The following BCAR3 variants were observed in gnomAD, a reference collection of about 807,000 sequenced individuals.
The protein encoded by BCAR3 is BCAR3 adaptor protein, NSP family member, also known as breast cancer anti-estrogen resistance protein 3.
In BCAR3, 37 loss-of-function variants were observed where a neutral mutation model predicts 80.1. That is an observed-to-expected ratio of 0.46 (90% CI 0.36 to 0.61). The LOEUF (loss-of-function observed/expected upper bound fraction) is 0.61, where lower values mean the gene tolerates loss of function less well. Ranked by LOEUF, BCAR3 falls within the 20% of genes least tolerant of loss-of-function variation. BCAR3 has a pLI of 0.00. For missense variants in BCAR3, 978 were observed against 1,068.2 expected (o/e 0.92, Z 1.18); for synonymous variants, 389 against 418.9 (o/e 0.93, Z 0.87).
chr1:93,755,329 C>T (rs904264443), intron 2 of BCAR3, among the ~76,000 whole-genome samples: 4 of 152,092 alleles, frequency 2.6e-5, no homozygotes, highest in South Asian at 2.1e-4. Context: ...CAGTAGTGCA[C>T]AGTAATGTCC....
chr1:93,656,570 T>C lies in BCAR3; in HGVS notation c.318-14227A>G, dbSNP rs138533505. On this transcript the variant is annotated intron_variant, in intron 2 of 11. Coordinates refer to ENST00000260502, the MANE Select transcript of BCAR3 (RefSeq NM_003567.4). ...TTAAAAAAAAATGTACCATACATCG[T>C]TATTTTATAGCCTGTATCTGATATT... 3.9e-5 allele frequency among the ~76,000 whole-genome samples: 6 copies of C among 152,190 alleles called. No homozygotes were observed. In the East Asian group the frequency reaches 1.2e-3, roughly 29 times the overall value.
At position 93,571,714 on chromosome 1, in the gene BCAR3, G is replaced by A. The variant is rs1459671189; in HGVS notation, c.1930C>T (p.Leu644Phe). 6.2e-7 allele frequency: 1 copy of A among 1,614,030 alleles called. No individual in the cohort carries two copies. The highest frequency in any genetic ancestry group is 1.3e-5 in the African/African-American group (1 of 74,898). ...AVELKDSMGD[L>F]YSFSALMKAL... ...TTCATGAGAGCTGAGAAGGAATAGA[G>A]GTCCCCCATGGAATCCTTCAGTTCC... The change falls in exon 9 of 12, where the codon CTC (leucine) becomes TTC (phenylalanine). Residue 644 changes from leucine (L) to phenylalanine (F), a missense_variant. By Grantham distance (22) the Leu-to-Phe change is conservative. Coordinates refer to ENST00000260502, the MANE Select transcript of BCAR3 (RefSeq NM_003567.4).
chr1:93,814,119 A>G (rs1199208241), intron 2 of BCAR3, among the ~76,000 whole-genome samples: 1 of 152,224 alleles, frequency 6.6e-6, no homozygotes, highest in Non-Finnish European at 1.5e-5. Context: ...ATATGCCCCA[A>G]TACTGGTATG....
At chr1:93,585,319 C>T (rs745602723) in intron 5 of BCAR3, among the ~76,000 whole-genome samples, 1 of 152,226 alleles carries the variant, frequency 6.6e-6, no homozygotes, top group Non-Finnish European at 1.5e-5. Flanking sequence ...CCATCTTTTC[C>T]CCTCCTCCCA....
At chr1:93,679,458 C>G (rs535825814) in intron 1 of BCAR3, among the ~76,000 whole-genome samples, 129 of 152,298 alleles carry the variant, frequency 8.5e-4, no homozygotes, top group South Asian at 3.9e-3. Flanking sequence ...CACAGACACA[C>G]GTACAGGCAA....
Position 93,582,853 on chromosome 1 carries a change from C to T in BCAR3, c.1134G>A (p.Val378=). Residue 378 remains valine, a synonymous_variant, in exon 7 of 12, where the codon GTG becomes GTA. Transcript: ENST00000260502. ...TGSEPALSPA[V]VRRVSSDARA... ...TGGCGTCTGAGGAGACCCTCCGAAC[C>T]ACTGCTGGGCTCAGGGCAGGCTCGC... The T allele has an allele frequency of 6.2e-7, 1 of 1,613,208 alleles. No individual in the cohort carries two copies. The highest frequency in any genetic ancestry group is 1.1e-5 in the South Asian group (1 of 91,074).
intron 2 of BCAR3, among the ~76,000 whole-genome samples, chr1:93,659,502 C>T (rs1350098802): frequency 6.6e-6 from 1 of 151,854 alleles, no homozygotes; most frequent in Non-Finnish European, 1.5e-5. Flanking sequence ...CAGCAACCGG[C>T]TTTAAGTCTA....
intron 11 of BCAR3, among the ~76,000 whole-genome samples, chr1:93,564,572 C>T (rs745310656): frequency 1.1e-4 from 17 of 152,180 alleles, no homozygotes; most frequent in Non-Finnish European, 2.2e-4. Context: ...GCCACCGTGC[C>T]TGGCCAAGAA....
At chr1:93,709,958 G>C (rs978159001) in intron 2 of BCAR3, among the ~76,000 whole-genome samples, 2 of 151,938 alleles carry the variant, frequency 1.3e-5, no homozygotes, top group Non-Finnish European at 2.9e-5. Context: ...GAAATGAATG[G>C]GCCTGTTCGA....
chr1:93,827,292 T>A (rs1036359479), intron 2 of BCAR3, among the ~76,000 whole-genome samples: 5 of 152,038 alleles, frequency 3.3e-5, no homozygotes, highest in Admixed American at 2.6e-4. Context: ...CAGGGACAAG[T>A]TTGTAATGAG....
At chr1:93,834,522 T>C (rs1557704203) in intron 2 of BCAR3, among the ~76,000 whole-genome samples, 1 of 152,186 alleles carries the variant, frequency 6.6e-6, no homozygotes, top group African/African-American at 2.4e-5. Context: ...ACAGCTGAAG[T>C]GCAGGGCCGT....
chr1:93,817,285 C>A (rs931164543), intron 2 of BCAR3, among the ~76,000 whole-genome samples: 1 of 152,196 alleles, frequency 6.6e-6, no homozygotes, highest in Non-Finnish European at 1.5e-5. Context: ...ACCCCCAGTG[C>A]GGGGGGCAGC....
Position 93,688,007 on chromosome 1 carries a change from T to C in BCAR3, c.-11-13066A>G, listed in dbSNP as rs1438808760. Among the ~76,000 whole-genome samples, 8 of 152,210 alleles carry C rather than the reference T, an allele frequency of 5.3e-5. No homozygotes were observed. In the East Asian group the frequency reaches 1.5e-3, roughly 29 times the overall value. On this transcript the variant is annotated intron_variant, in intron 3 of 13. Transcript: ENST00000370244. ...TATCATAACTACTGATACAAAGAGC[T>C]GGCAACACTGATATGGACCAGAAAG...
intron 2 of BCAR3, among the ~76,000 whole-genome samples, chr1:93,817,442 C>T (rs1448234282): frequency 6.6e-6 from 1 of 152,198 alleles, no homozygotes; most frequent in East Asian, 1.9e-4. Context: ...CTGTATTAAC[C>T]TCACAGACAT....
intron 2 of BCAR3, among the ~76,000 whole-genome samples, chr1:93,788,438 G>A (rs1653026841): frequency 1.3e-5 from 2 of 152,056 alleles, no homozygotes; most frequent in Admixed American, 6.5e-5. Flanking sequence ...ATTCTATTTT[G>A]GTGTATTGTG....
intron 2 of BCAR3, among the ~76,000 whole-genome samples, chr1:93,669,954 C>T (rs1229500307): frequency 1.3e-5 from 2 of 151,884 alleles, no homozygotes; most frequent in African/African-American, 4.8e-5. Context: ...GGGAGGGGAG[C>T]GAGGGATAAA....
intron 2 of BCAR3, among the ~76,000 whole-genome samples, chr1:93,815,133 T>C (rs1653972162): frequency 6.6e-6 from 1 of 152,172 alleles, no homozygotes; most frequent in African/African-American, 2.4e-5. Context: ...ATATCACACC[T>C]GAGATCCCTG....
chr1:93,656,646 C>T (rs1177023937), intron 2 of BCAR3, among the ~76,000 whole-genome samples: 1 of 150,914 alleles, frequency 6.6e-6, no homozygotes, highest in Admixed American at 6.6e-5. Flanking sequence ...CACTTGTCAC[C>T]CAGGCTAAAG....
At position 93,580,839 on chromosome 1, in the gene BCAR3, T is replaced by C. The variant is rs113490642; in HGVS notation, c.1686+1462A>G. Among the ~76,000 whole-genome samples the C allele has an allele frequency of 2.8e-3, 427 of 152,292 alleles. 5 individuals carry two copies. The highest frequency in any genetic ancestry group is 9.4e-3 in the African/African-American group (391 of 41,564). ...GGACCACCTATGAACAAAAGTCACTTACATCTAAAATAAACGTTTCCTACA... is the reference window on the plus strand; with the variant it reads ...GGACCACCTATGAACAAAAGTCACTCACATCTAAAATAAACGTTTCCTACA... On this transcript the variant is annotated intron_variant, in intron 7 of 11. Transcript: ENST00000260502.
Sources: gnomAD v4.1 joint callset for allele counts (sites outside exome capture counted in the v4.1 genomes callset) on GRCh38, gnomAD v4.1.1 for gene constraint, MANE v1.5 for transcripts, NCBI Gene and HGNC (gene_info 2026-07-23, HGNC 2026-07-21) for gene names.